DTX3L: variants seen among roughly 807,000 people sequenced by gnomAD.
DTX3L encodes E3 ubiquitin-protein ligase DTX3L.
In DTX3L, 34 loss-of-function variants were observed where a neutral mutation model predicts 60.9. The observed-to-expected ratio is 0.56, with a 90% CI of 0.42 to 0.74. The LOEUF is 0.74. Among genes scored for constraint, DTX3L ranks in the 30% least tolerant of loss-of-function variants. DTX3L has a pLI of 0.00. For missense variants in DTX3L, 810 were observed against 874.0 expected, an observed-to-expected ratio of 0.93 and a Z score of 0.92; for synonymous variants, 290 against 316.6, an observed-to-expected ratio of 0.92 and a Z score of 0.89.
chr3:122,568,223 T>A (rs1044560524), intron 2 of DTX3L, among the ~76,000 whole-genome samples: 1 of 152,176 alleles, frequency 6.6e-6, no homozygotes, highest in Non-Finnish European at 1.5e-5. Flanking sequence ...GCAGGAGAAT[T>A]GCTTGAACCC....
At position 122,570,520 on chromosome 3, in the gene DTX3L, TAAGGAAGG is replaced by T. The variant is rs753485541; in HGVS notation, c.2010_2017del (p.Arg671PhefsTer6). The T allele has an allele frequency of 6.2e-7, 1 of 1,614,004 alleles. No individual in the cohort carries two copies. ...AGCGAACTGCATACTTGCCTGATAATAAGGAAGGAAGGAAGGTTTTGAAACTGCTTTAT... is the reference window on the plus strand; with the variant it reads ...AGCGAACTGCATACTTGCCTGATAATAAGGAAGGTTTTGAAACTGCTTTAT... On this transcript the variant is annotated frameshift_variant, in exon 4 of 5. Transcript: ENST00000296161. LOFTEE classifies it high-confidence loss of function.
In DTX3L at chr3:122,569,134, G is replaced by A. The variant is rs2080625770; in HGVS notation, c.1045G>A (p.Asp349Asn). The change falls in exon 3 of 5, where the codon GAC becomes AAC. Residue 349 changes from aspartate to asparagine, a missense_variant. Transcript: ENST00000296161. ...GELTLLGTQD[D>N]ISAAKQKISE... Reference sequence around the variant, plus strand: ...ATTAACTCTCCTTGGGACCCAAGATGACATTTCAGCTGCCAAACAAAAAAT... The same window carrying A: ...ATTAACTCTCCTTGGGACCCAAGATAACATTTCAGCTGCCAAACAAAAAAT... 1 of 1,614,178 alleles carries A rather than the reference G, an allele frequency of 6.2e-7. No individual in the cohort carries two copies.
At chr3:122,571,570 TG>T in intron 4 of DTX3L, 107 bp from the exon 5 acceptor site, 1 of 823,964 alleles carries the variant, frequency 1.2e-6, no homozygotes, top group Non-Finnish European at 1.9e-6. Context: ...CAGGATTACT[TG>T]TGAATGTTTG....
intron 2 of DTX3L, among the ~76,000 whole-genome samples, chr3:122,566,630 T>C (rs1470035381): frequency 6.6e-6 from 1 of 152,184 alleles, no homozygotes; most frequent in Non-Finnish European, 1.5e-5. Context: ...CCCAAAGTGC[T>C]GGGATTACAG....
chr3:122,566,449 G>A lies in DTX3L; in HGVS notation c.399+379G>A, dbSNP rs1314626249. Among the ~76,000 whole-genome samples, 8 of 152,098 alleles carry A rather than the reference G, an allele frequency of 5.3e-5. No homozygotes were observed. In the South Asian group the frequency reaches 1.5e-3, roughly 28 times the overall value. ...TGGCACAATCATGGCTCACTGCAGA[G>A]TTGACCTCCTGGGCTCAAGGGATCC... On this transcript the variant is annotated intron_variant, in intron 2 of 4. Coordinates refer to ENST00000296161, the MANE Select transcript of DTX3L (RefSeq NM_138287.3).
Position 122,570,655 on chromosome 3 carries a change from G to A in DTX3L, c.2136G>A (p.Arg712=). The change falls in exon 4 of 5, where the codon CGG becomes CGA. Residue 712 remains arginine (R), a synonymous_variant. Transcript: ENST00000296161. ...ATGATATTCACCACAAAACATCCCG[G>A]TTTGGAGGACCAGAAATGTGAGATC... ...TWNDIHHKTS[R]FGGPEMYGYP... 1.2e-6 allele frequency: 2 copies of A among 1,614,142 alleles called. No homozygotes were observed. The highest frequency in any genetic ancestry group is 1.7e-6 in the Non-Finnish European group (2 of 1,180,022).
rs762975358 is a variant in DTX3L, at chr3:122,569,191, C to CTAT, written c.1104_1106dup (p.Leu368dup). 23 of 1,614,164 alleles carry CTAT rather than the reference C, an allele frequency of 1.4e-5. No individual in the cohort carries two copies. Among genetic ancestry groups the CTAT allele is most frequent in the Middle Eastern group, 3.3e-4 (2 of 6,062 alleles). On this transcript the variant is annotated inframe_insertion, in exon 3 of 5. Transcript: ENST00000296161. Reference sequence around the variant, plus strand: ...AGCTTTTGTCAAGATACCTGTGAAACTATTTGCTGCCAATTACATGATGAA... The same window carrying CTAT: ...AGCTTTTGTCAAGATACCTGTGAAACTATTATTTGCTGCCAATTACATGATGAA...
chr3:122,571,568 C>A, intron 4 of DTX3L, 110 bp from the exon 5 acceptor site: 1 of 821,530 alleles, frequency 1.2e-6, no homozygotes, highest in South Asian at 2.0e-5. Context: ...TTCAGGATTA[C>A]TTGTGAATGT....
intron 2 of DTX3L, among the ~76,000 whole-genome samples, chr3:122,567,265 G>A (rs1395493634): frequency 6.6e-6 from 1 of 152,070 alleles, no homozygotes; most frequent in Non-Finnish European, 1.5e-5. Context: ...AGGGCGATCT[G>A]GTTTATATTT....
At chr3:122,568,423 G>A in intron 2 of DTX3L, 66 bp from the exon 3 acceptor site, 1 of 1,350,326 alleles carries the variant, frequency 7.4e-7, no homozygotes, top group Non-Finnish European at 9.9e-7. Context: ...GCATTCTCCT[G>A]AAGAGAAGAT....
chr3:122,566,142 C>G, intron 2 of DTX3L, 72 bp downstream of exon 2: 1 of 1,394,442 alleles, frequency 7.2e-7, no homozygotes, highest in Non-Finnish European at 1.0e-6. Context: ...TATTATTGAT[C>G]CAACACCCAT....
Position 122,565,848 on chromosome 3 carries a change from C to T in DTX3L, c.188-11C>T. The T allele has an allele frequency of 6.2e-7, 1 of 1,613,194 alleles. No homozygotes were observed. The highest frequency in any genetic ancestry group is 8.5e-7 in the Non-Finnish European group (1 of 1,179,378). ...GTGTGTATATGTGTGTGTTTAATGT[C>T]TCCACTGAAGCTAAGGAGAGAGTGT... On this transcript the variant is annotated splice_polypyrimidine_tract_variant and intron_variant, in intron 1 of 4. Transcript: ENST00000296161.
rs1237128894 is a variant in DTX3L, at chr3:122,564,405, C to G, written c.-22C>G. ...GCCCAGCTGCCTCCCGGAGCCCCCG[C>G]GCCCTCCCGACGCGCAGAGCCATGG... On this transcript the variant is annotated 5_prime_UTR_variant, in exon 1 of 5. Transcript: ENST00000296161. The G allele has an allele frequency of 5.0e-6, 8 of 1,596,260 alleles. No homozygotes were observed. Among genetic ancestry groups the G allele is most frequent in the Non-Finnish European group, 6.8e-6 (8 of 1,172,638 alleles).
At position 122,569,073 on chromosome 3, in the gene DTX3L, G is replaced by C. The variant is rs762390814; in HGVS notation, c.984G>C (p.Gln328His). ...AATTCAAACAGGAATTGAATCACCA[G>C]TTTACAAAGCTCCTTATAAAGGAGA... The part of the protein sequence containing the change: ...ANKFKQELNH[Q>H]FTKLLIKEKG... Residue 328 changes from glutamine (Q) to histidine (H), a missense_variant, in exon 3 of 5, where the codon CAG becomes CAC. Coordinates refer to ENST00000296161, the MANE Select transcript of DTX3L (RefSeq NM_138287.3). 2.5e-6 allele frequency: 4 copies of C among 1,614,044 alleles called. No homozygotes were observed. The highest frequency in any genetic ancestry group is 1.7e-5 in the Admixed American group (1 of 59,998).
rs148315048 is a variant in DTX3L at position 122,568,896 on chromosome 3, G to A, written c.807G>A (p.Glu269=). Residue 269 remains glutamate, a synonymous_variant, in exon 3 of 5, where the codon GAG becomes GAA. Coordinates refer to ENST00000296161, the MANE Select transcript of DTX3L (RefSeq NM_138287.3). ...TTGGTGTAAACATTGAAATCCAGGA[G>A]AGTTCTCCAAATATGGTCTGTTTAG... ...KRFGVNIEIQ[E]SSPNMVCLDF... The A allele has an allele frequency of 9.3e-6, 15 of 1,613,900 alleles. No homozygotes were observed. Among genetic ancestry groups the A allele is most frequent in the Non-Finnish European group, 1.3e-5 (15 of 1,180,036 alleles).
At position 122,564,378 on chromosome 3, in the gene DTX3L, C is replaced by T. The variant is rs1348138281; in HGVS notation, c.-49C>T. 1.3e-6 allele frequency: 2 copies of T among 1,558,108 alleles called. No individual in the cohort carries two copies. Among genetic ancestry groups the T allele is most frequent in the African/African-American group, 2.7e-5 (2 of 72,832 alleles). ...GTCCGCAGGGCGGGCCGCGCCTTTA[C>T]CGCCCAGCTGCCTCCCGGAGCCCCC... On this transcript the variant is annotated 5_prime_UTR_variant, in exon 1 of 5. Coordinates refer to ENST00000296161, the MANE Select transcript of DTX3L (RefSeq NM_138287.3).
At position 122,570,450 on chromosome 3, in the gene DTX3L, C is replaced by T. The variant is rs1214252072; in HGVS notation, c.1936-5C>T. The T allele has an allele frequency of 3.1e-6, 5 of 1,613,956 alleles. No homozygotes were observed. The Admixed American group carries it at 8.3e-5, about 27-fold the overall frequency. ...TTCACATGACATTTTCTTGTTCTCA[C>T]ACAGGAAGAACACCCAAACCCAGGA... On this transcript the variant is annotated splice_polypyrimidine_tract_variant and splice_region_variant and intron_variant, in intron 3 of 4. Coordinates refer to ENST00000296161, the MANE Select transcript of DTX3L (RefSeq NM_138287.3).
intron 3 of DTX3L, 64 bp from the exon 4 acceptor site, chr3:122,570,391 T>C (rs2080636470): frequency 6.6e-7 from 1 of 1,504,544 alleles, no homozygotes; most frequent in Admixed American, 1.7e-5. Context: ...TGAACACATC[T>C]ATACCTATAG....
Position 122,568,921 on chromosome 3 carries a change from G to C in DTX3L, c.832G>C (p.Asp278His). 1 of 1,614,114 alleles carries C rather than the reference G, an allele frequency of 6.2e-7. No homozygotes were observed. Among genetic ancestry groups the C allele is most frequent in the Non-Finnish European group, 8.5e-7 (1 of 1,180,032 alleles). Residue 278 changes from aspartate (D) to histidine (H), a missense_variant, in exon 3 of 5, where the codon GAT (aspartate) becomes CAT (histidine). Coordinates refer to ENST00000296161, the MANE Select transcript of DTX3L (RefSeq NM_138287.3). ...QESSPNMVCL[D>H]FTSSRSGDLE... ...GAGTTCTCCAAATATGGTCTGTTTA[G>C]ATTTCACCTCAAGTCGATCAGGTGA...
Sources: gnomAD v4.1 joint callset for allele counts (sites outside exome capture counted in the v4.1 genomes callset) on GRCh38, gnomAD v4.1.1 for gene constraint, MANE v1.5 for transcripts, NCBI Gene and HGNC (gene_info 2026-07-23, HGNC 2026-07-21) for gene names.